The following PDZRN3 variants were observed in gnomAD, a reference collection of about 807,000 sequenced individuals.
PDZRN3 encodes the protein E3 ubiquitin-protein ligase PDZRN3.
A neutral mutation model predicts 85.7 loss-of-function variants in PDZRN3; 38 were observed. The observed-to-expected ratio is 0.44, with a 90% CI of 0.34 to 0.58. PDZRN3 has a LOEUF of 0.58. PDZRN3 is among the 20% of genes least tolerant of loss of function. PDZRN3 has a pLI of 0.01. For synonymous variants in PDZRN3, 759 were observed against 638.0 expected, an observed-to-expected ratio of 1.19 and a Z score of -2.86; for missense variants, 1,629 against 1,506.4, an observed-to-expected ratio of 1.08 and a Z score of -1.35.
At chr3:73,436,856 G>C (rs1702540172) in intron 3 of PDZRN3, among the ~76,000 whole-genome samples, 1 of 151,866 alleles carries the variant, frequency 6.6e-6, no homozygotes, top group Non-Finnish European at 1.5e-5. Context: ...GACCATCCTG[G>C]CCAACATGGT....
chr3:73,502,258 G>C lies in PDZRN3; in HGVS notation c.919-97863C>G, dbSNP rs1010282789. Among the ~76,000 whole-genome samples the C allele has an allele frequency of 6.6e-5, 10 of 152,260 alleles. No individual in the cohort carries two copies. The East Asian group carries it at 1.9e-3, about 29-fold the overall frequency. ...GGGTCACAATGAAGAATCATGGCAT[G>C]GAATCAGGTATAAAACCTTTTGTTT... is the stretch of plus-strand genomic sequence containing the variant. On this transcript the variant is annotated intron_variant, in intron 3 of 9. Coordinates refer to ENST00000263666, the MANE Select transcript of PDZRN3 (RefSeq NM_015009.3).
chr3:73,592,476 A>G (rs1438875808), intron 3 of PDZRN3, among the ~76,000 whole-genome samples: 1 of 152,134 alleles, frequency 6.6e-6, no homozygotes, highest in Non-Finnish European at 1.5e-5. Flanking sequence ...GAAAGAAGGA[A>G]GCAATGAAAG....
chr3:73,423,300 T>C (rs1040576271), intron 3 of PDZRN3, among the ~76,000 whole-genome samples: 4 of 152,250 alleles, frequency 2.6e-5, no homozygotes, highest in Admixed American at 2.6e-4. Flanking sequence ...TAATGTTATG[T>C]GCCACAACCA....
intron 9 of PDZRN3, 44 bp from the exon 10 acceptor site, chr3:73,384,974 C>T (rs200378499): frequency 1.9e-4 from 298 of 1,544,526 alleles, no homozygotes; most frequent in Admixed American, 1.4e-4. Flanking sequence ...GGGAGGCCTG[C>T]GCAGCAGGTA....
intron 3 of PDZRN3, among the ~76,000 whole-genome samples, chr3:73,454,027 A>G (rs974885561): frequency 6.6e-6 from 1 of 152,244 alleles, no homozygotes; most frequent in Non-Finnish European, 1.5e-5. Context: ...GACAGAGAGT[A>G]GGCCAGGCCT....
At chr3:73,387,119 C>T (rs1701411873) in intron 8 of PDZRN3, among the ~76,000 whole-genome samples, 2 of 152,204 alleles carry the variant, frequency 1.3e-5, no homozygotes, top group Admixed American at 6.5e-5. Context: ...TGCCTTTTGC[C>T]TTCCACCATG....
intron 2 of PDZRN3, among the ~76,000 whole-genome samples, chr3:73,606,338 G>C (rs1035180241): frequency 2.0e-5 from 3 of 152,208 alleles, no homozygotes; most frequent in Admixed American, 1.3e-4. Flanking sequence ...GTTCTTGATG[G>C]TAAGTTGTAG....
intron 3 of PDZRN3, among the ~76,000 whole-genome samples, chr3:73,462,945 A>G (rs1208885254): frequency 1.3e-5 from 2 of 152,092 alleles, no homozygotes; most frequent in African/African-American, 2.4e-5. Context: ...TTGCTTCCAA[A>G]CCCTGTGCTC....
chr3:73,584,457 GT>G (rs1559748422), intron 3 of PDZRN3, among the ~76,000 whole-genome samples: 83 of 52,806 alleles, frequency 1.6e-3, no homozygotes, highest in East Asian at 6.8e-3. Flanking sequence ...TTAATGGTGT[GT>G]GTGTGTGTGT....
chr3:73,446,718 C>T (rs897267772), intron 3 of PDZRN3, among the ~76,000 whole-genome samples: 6 of 152,180 alleles, frequency 3.9e-5, no homozygotes, highest in East Asian at 1.9e-4. Context: ...CTGCTTCTGG[C>T]GATGTGAACC....
At chr3:73,444,990 G>A (rs566617410) in intron 3 of PDZRN3, among the ~76,000 whole-genome samples, 1 of 152,304 alleles carries the variant, frequency 6.6e-6, no homozygotes, top group African/African-American at 2.4e-5. Context: ...ATGAATGATG[G>A]GATAGAAATG....
At chr3:73,386,864 T>TAC (rs10651338) in intron 8 of PDZRN3, among the ~76,000 whole-genome samples, 3,474 of 147,078 alleles carry the variant, frequency 0.024, 129 homozygotes, top group African/African-American at 0.086. Context: ...GTCTCTCGGC[T>TAC]TTTTCAATCG....
intron 3 of PDZRN3, among the ~76,000 whole-genome samples, chr3:73,488,284 T>C (rs1174626092): frequency 6.6e-6 from 1 of 152,152 alleles, no homozygotes; most frequent in Non-Finnish European, 1.5e-5. Context: ...TTGGGGAAAT[T>C]AAAGGCTATG....
chr3:73,602,075 G>C (rs749712202), intron 3 of PDZRN3, among the ~76,000 whole-genome samples: 1 of 152,118 alleles, frequency 6.6e-6, no homozygotes, highest in African/African-American at 2.4e-5. Flanking sequence ...CGGTTTTCGC[G>C]CGAAACTGTA....
intron 3 of PDZRN3, among the ~76,000 whole-genome samples, chr3:73,549,356 C>T (rs1162013096): frequency 1.3e-5 from 2 of 152,064 alleles, no homozygotes; most frequent in Non-Finnish European, 2.9e-5. Flanking sequence ...GGCACTGTAC[C>T]CGAGAGAAGT....
intron 3 of PDZRN3, among the ~76,000 whole-genome samples, chr3:73,530,889 G>C (rs1033736594): frequency 6.6e-6 from 1 of 152,170 alleles, no homozygotes; most frequent in East Asian, 1.9e-4. Context: ...AAGGGATAAA[G>C]CTCTGAAGAA....
intron 3 of PDZRN3, among the ~76,000 whole-genome samples, chr3:73,485,483 G>A (rs537386076): frequency 8.5e-5 from 13 of 152,118 alleles, no homozygotes; most frequent in South Asian, 6.2e-4. Context: ...CAGATTCTTC[G>A]TGGTTGAAGT....
intron 3 of PDZRN3, among the ~76,000 whole-genome samples, chr3:73,562,539 G>A (rs1701842071): frequency 6.6e-6 from 1 of 152,152 alleles, no homozygotes; most frequent in Non-Finnish European, 1.5e-5. Context: ...TTTTGGAGAA[G>A]TTGTGTCACA....
intron 3 of PDZRN3, among the ~76,000 whole-genome samples, chr3:73,443,356 G>T (rs1702680476): frequency 6.6e-6 from 1 of 152,146 alleles, no homozygotes; most frequent in African/African-American, 2.4e-5. Flanking sequence ...TGGCCTGGGT[G>T]ACTTTCCACA....
Sources: allele counts gnomAD v4.1 joint callset (sites outside exome capture counted in the v4.1 genomes callset), GRCh38; gene constraint gnomAD v4.1.1; transcripts MANE v1.5; gene names NCBI Gene and HGNC (gene_info 2026-07-23, HGNC 2026-07-21).